Variants in SLC17A6 observed in about 807,000 individuals in gnomAD.
SLC17A6 encodes solute carrier family 17 member 6.
Under a neutral mutation model 67.1 loss-of-function variants are expected in SLC17A6, and 35 were observed. The ratio of observed to expected loss-of-function variants is 0.52; its 90% confidence interval spans 0.40 to 0.69. The LOEUF (loss-of-function observed/expected upper bound fraction) is 0.69, where lower values mean the gene tolerates loss of function less well. SLC17A6 is among the 30% of genes least tolerant of loss of function. SLC17A6 has a pLI of 0.00. For missense variants in SLC17A6, 588 were observed against 723.9 expected, an observed-to-expected ratio of 0.81 and a Z score of 2.15; for synonymous variants, 285 against 252.3, an observed-to-expected ratio of 1.13 and a Z score of -1.23.
chr11:22,352,722 T>C (rs2133865016), intron 3 of SLC17A6, among the ~76,000 whole-genome samples: 1 of 152,246 alleles, frequency 6.6e-6, no homozygotes, highest in African/African-American at 2.4e-5. Flanking sequence ...TAGCAATATC[T>C]GAGAGGAGAC....
chr11:22,372,046 G>A (rs1267448070), intron 8 of SLC17A6, among the ~76,000 whole-genome samples: 1 of 151,922 alleles, frequency 6.6e-6, no homozygotes, highest in Admixed American at 6.6e-5. Flanking sequence ...AAATGATAAT[G>A]ATATTATTTA....
intron 3 of SLC17A6, among the ~76,000 whole-genome samples, chr11:22,356,987 T>C (rs1221472073): frequency 1.3e-5 from 2 of 152,232 alleles, no homozygotes; most frequent in Non-Finnish European, 2.9e-5. Flanking sequence ...AGTGGCTTTG[T>C]GAAGATTATC....
Position 22,373,378 on chromosome 11 carries a change from T to C in SLC17A6, c.1042-1377T>C, listed in dbSNP as rs577348926. Among the ~76,000 whole-genome samples the C allele has an allele frequency of 2.2e-3, 336 of 152,286 alleles. 1 individual carries two copies. The highest frequency in any genetic ancestry group is 7.6e-3 in the African/African-American group (314 of 41,568). ...TTGTTCAAAGGTTTCTTTCTACACA[T>C]TGACTGCTTGAAATATATTTACTCC... On this transcript the variant is annotated intron_variant, in intron 8 of 11. Transcript: ENST00000263160.
intron 3 of SLC17A6, among the ~76,000 whole-genome samples, chr11:22,355,244 G>T (rs1413456827): frequency 1.3e-5 from 2 of 152,176 alleles, no homozygotes; most frequent in Non-Finnish European, 1.5e-5. Flanking sequence ...TCCATGCTCT[G>T]AACCATTACC....
At chr11:22,368,033 T>A (rs1441804610) in intron 7 of SLC17A6, among the ~76,000 whole-genome samples, 1 of 152,204 alleles carries the variant, frequency 6.6e-6, no homozygotes, top group African/African-American at 2.4e-5. Context: ...ACAATTATCG[T>A]CTTGTCATAT....
intron 4 of SLC17A6, 69 bp downstream of exon 4, chr11:22,359,596 C>G (rs188691249): frequency 1.7e-5 from 15 of 879,378 alleles, no homozygotes; most frequent in Non-Finnish European, 2.5e-5. Context: ...TTATCTTTGT[C>G]TTTATCTGTA....
chr11:22,362,774 G>C lies in SLC17A6; in HGVS notation c.697G>C (p.Ala233Pro). The part of the protein sequence containing the change: ...YAGAVIAMPL[A>P]GILVQYTGWS... ...CGGAGCTGTGATTGCAATGCCTTTA[G>C]CTGGCATTCTTGTGCAGTACACTGG... The change falls in exon 6 of 12, where the codon GCT becomes CCT. Residue 233 changes from alanine to proline, a missense_variant. Physicochemically the swap from Ala to Pro is conservative, Grantham distance 27 (BLOSUM62 -1). Coordinates refer to ENST00000263160, the MANE Select transcript of SLC17A6 (RefSeq NM_020346.3). The C allele has an allele frequency of 1.2e-6, 2 of 1,613,826 alleles. No individual in the cohort carries two copies. Among genetic ancestry groups the C allele is most frequent in the Non-Finnish European group, 1.7e-6 (2 of 1,179,760 alleles).
At chr11:22,365,179 G>A (rs1856097076) in intron 6 of SLC17A6, among the ~76,000 whole-genome samples, 1 of 152,134 alleles carries the variant, frequency 6.6e-6, no homozygotes, top group Non-Finnish European at 1.5e-5. Flanking sequence ...ATAATTCTTT[G>A]AGGACAGGAA....
At chr11:22,346,908 G>A (rs541822960) in intron 3 of SLC17A6, among the ~76,000 whole-genome samples, 3 of 150,284 alleles carry the variant, frequency 2.0e-5, no homozygotes, top group South Asian at 4.2e-4. Context: ...TACAGCAAAG[G>A]GAGTTTGATG....
chr11:22,369,942 T>C, intron 7 of SLC17A6, 97 bp from the exon 8 acceptor site: 1 of 1,133,172 alleles, frequency 8.8e-7, no homozygotes, highest in Non-Finnish European at 1.2e-6. Context: ...ACTTATGACC[T>C]GTCATATACA....
chr11:22,358,371 C>T (rs557974527), intron 3 of SLC17A6, among the ~76,000 whole-genome samples: 2 of 152,118 alleles, frequency 1.3e-5, no homozygotes, highest in African/African-American at 2.4e-5. Flanking sequence ...CACTGTTGCC[C>T]GCCCAGGATG....
chr11:22,360,532 C>T (rs80302319), intron 4 of SLC17A6, among the ~76,000 whole-genome samples: 2 of 139,450 alleles, frequency 1.4e-5, no homozygotes, highest in South Asian at 2.6e-4. Context: ...TCCTTCCCCC[C>T]CCCCCAAAAA....
Position 22,360,900 on chromosome 11 carries a change from G to C in SLC17A6, c.577G>C (p.Val193Leu). The change falls in exon 5 of 12, where the codon GTG becomes CTG. Residue 193 changes from valine to leucine, a missense_variant. Coordinates refer to ENST00000263160, the MANE Select transcript of SLC17A6 (RefSeq NM_020346.3). ...TGAGTATCTTCCCCCATCACAGGGT[G>C]TGACCTACCCAGCATGTCATGGGAT... is the stretch of plus-strand genomic sequence containing the variant. Reference protein sequence around the residue: ...VRILQGLVEGVTYPACHGIWS... With the variant: ...VRILQGLVEGLTYPACHGIWS... 1 of 1,613,754 alleles carries C rather than the reference G, an allele frequency of 6.2e-7. No individual in the cohort carries two copies. The highest frequency in any genetic ancestry group is 8.5e-7 in the Non-Finnish European group (1 of 1,179,704).
intron 8 of SLC17A6, among the ~76,000 whole-genome samples, chr11:22,372,134 G>T (rs1261633021): frequency 6.6e-6 from 1 of 151,528 alleles, no homozygotes; most frequent in Non-Finnish European, 1.5e-5. Flanking sequence ...AGTTAAATTG[G>T]GTATCCTACA....
At chr11:22,358,662 AG>A (rs1856016860) in intron 3 of SLC17A6, among the ~76,000 whole-genome samples, 1 of 152,058 alleles carries the variant, frequency 6.6e-6, no homozygotes, top group African/African-American at 2.4e-5. Flanking sequence ...TTTTTAACGA[AG>A]GAATGGAATT....
chr11:22,345,070 G>GT (rs1394947519), intron 3 of SLC17A6, among the ~76,000 whole-genome samples: 2 of 151,830 alleles, frequency 1.3e-5, no homozygotes, highest in African/African-American at 2.4e-5. Flanking sequence ...GACTTTAAGG[G>GT]TTTTTTTCAG....
rs73469715 is a variant in SLC17A6 at position 22,376,223 on chromosome 11, T to C, written c.1285+131T>C. 2,046 of 585,684 alleles carry C rather than the reference T, an allele frequency of 3.5e-3. 34 individuals are homozygous for C. In the African/African-American group the frequency reaches 0.035, roughly 10 times the overall value. 36.3% of individuals were successfully genotyped at this position (585,684 alleles called of 1,614,324 possible). On this transcript the variant is annotated intron_variant, in intron 10 of 11. Transcript: ENST00000263160. ...ATATGTTGAATAATAGTCAAATATT[T>C]CCACTAGAAAATGAAAAAAATAAAA...
intron 1 of SLC17A6, among the ~76,000 whole-genome samples, chr11:22,339,249 A>C (rs1434070759): frequency 6.7e-6 from 1 of 148,978 alleles, no homozygotes; most frequent in African/African-American, 2.5e-5. Context: ...TCAAAAGCAT[A>C]GTAGAGAATC....
At chr11:22,358,660 G>A (rs368159054) in intron 3 of SLC17A6, among the ~76,000 whole-genome samples, 1 of 152,118 alleles carries the variant, frequency 6.6e-6, no homozygotes, top group African/African-American at 2.4e-5. Flanking sequence ...TTTTTTTAAC[G>A]AAGGAATGGA....
Sources: allele counts gnomAD v4.1 joint callset (sites outside exome capture counted in the v4.1 genomes callset), GRCh38; gene constraint gnomAD v4.1.1; transcripts MANE v1.5; gene names NCBI Gene and HGNC (gene_info 2026-07-23, HGNC 2026-07-21).